Variants in PLD1 observed in about 807,000 individuals in gnomAD.
PLD1 encodes choline phosphatase 1.
In PLD1, 112 loss-of-function variants were observed where a neutral mutation model predicts 137.1. The observed-to-expected ratio is 0.82, with a 90% CI of 0.70 to 0.96. The LOEUF (loss-of-function observed/expected upper bound fraction) is 0.96, where lower values mean the gene tolerates loss of function less well. Ranked by LOEUF, PLD1 falls within the 40% of genes least tolerant of loss-of-function variation. The pLI is 0.00. For missense variants in PLD1, 1,321 were observed against 1,342.0 expected (o/e 0.98, Z 0.24); for synonymous variants, 431 against 454.7 (o/e 0.95, Z 0.66).
intron 21 of PLD1, among the ~76,000 whole-genome samples, chr3:171,651,571 T>A (rs565575949): frequency 5.1e-4 from 77 of 152,282 alleles, no homozygotes; most frequent in African/African-American, 1.8e-3. Context: ...ACTTTACCTA[T>A]CCTCTATGTG....
At chr3:171,688,970 C>A in intron 13 of PLD1, 94 bp from the exon 14 acceptor site, 3 of 848,276 alleles carry the variant, frequency 3.5e-6, no homozygotes, top group Non-Finnish European at 5.8e-6. Flanking sequence ...AAAGCATTTT[C>A]TATAATTCAA....
chr3:171,667,016 A>C (rs1488241273), intron 19 of PLD1, among the ~76,000 whole-genome samples: 1 of 152,158 alleles, frequency 6.6e-6, no homozygotes, highest in Non-Finnish European at 1.5e-5. Flanking sequence ...AAACCTTTGG[A>C]TCTTTCTTAG....
At chr3:171,791,585 T>C (rs1279641693) in intron 1 of PLD1, among the ~76,000 whole-genome samples, 1 of 151,890 alleles carries the variant, frequency 6.6e-6, no homozygotes, top group Non-Finnish European at 1.5e-5. Flanking sequence ...GTGATTAATA[T>C]GGAAAACACA....
At chr3:171,685,741 T>A (rs1219055817) in intron 16 of PLD1, among the ~76,000 whole-genome samples, 2 of 152,206 alleles carry the variant, frequency 1.3e-5, no homozygotes, top group East Asian at 3.8e-4. Context: ...TCCTCGAGTA[T>A]CTGGAGTATC....
At chr3:171,773,255 G>T (rs1284676786) in intron 1 of PLD1, among the ~76,000 whole-genome samples, 1 of 152,176 alleles carries the variant, frequency 6.6e-6, no homozygotes. Flanking sequence ...AATAATAAGA[G>T]TATAGCAGGA....
intron 7 of PLD1, among the ~76,000 whole-genome samples, chr3:171,725,289 A>C (rs1357654933): frequency 1.3e-5 from 2 of 152,346 alleles, no homozygotes; most frequent in Non-Finnish European, 2.9e-5. Context: ...ATGCCTGCAC[A>C]GGGATGGTCC....
chr3:171,627,344 A>G (rs555136263), intron 23 of PLD1, among the ~76,000 whole-genome samples: 60 of 152,284 alleles, frequency 3.9e-4, no homozygotes, highest in African/African-American at 1.3e-3. Context: ...ATACAGGAGC[A>G]CCCAGATTCA....
In PLD1 at chr3:171,760,906, C is replaced by T. The variant is rs563398595; in HGVS notation, c.-31-22824G>A. ...GCTGGTGGCATTGTTAATGGAGACA[C>T]CATTCTCAGGCAAACTTTAGTAGGA... On this transcript the variant is annotated intron_variant, in intron 1 of 26. Transcript: ENST00000351298. 3.7e-4 allele frequency among the ~76,000 whole-genome samples: 57 copies of T among 152,330 alleles called. 1 individual carries two copies. The highest frequency in any genetic ancestry group is 1.3e-3 in the African/African-American group (56 of 41,580).
At chr3:171,615,804 T>A (rs764366516) in intron 24 of PLD1, among the ~76,000 whole-genome samples, 1 of 152,252 alleles carries the variant, frequency 6.6e-6, no homozygotes, top group Non-Finnish European at 1.5e-5. Flanking sequence ...TTTGCTGTGA[T>A]GCACAATTCT....
At chr3:171,659,980 C>G (rs1737533566) in intron 20 of PLD1, among the ~76,000 whole-genome samples, 1 of 152,082 alleles carries the variant, frequency 6.6e-6, no homozygotes, top group Non-Finnish European at 1.5e-5. Context: ...AAACAAGTTA[C>G]AACATTATCA....
chr3:171,652,242 T>C (rs980141459), intron 21 of PLD1, among the ~76,000 whole-genome samples: 2 of 151,680 alleles, frequency 1.3e-5, no homozygotes, highest in Non-Finnish European at 2.9e-5. Context: ...TGAAACCCCG[T>C]CTCTACTAAA....
chr3:171,791,808 G>A (rs1166457846), intron 1 of PLD1: 1 of 151,976 alleles, frequency 6.6e-6, no homozygotes, highest in Non-Finnish European at 1.5e-5. Context: ...GGAGGGAGGT[G>A]AGGTTAACGT....
At chr3:171,656,567 T>C (rs1433124118) in intron 21 of PLD1, among the ~76,000 whole-genome samples, 2 of 152,256 alleles carry the variant, frequency 1.3e-5, no homozygotes, top group Admixed American at 6.5e-5. Context: ...AAACACATCT[T>C]TGGAACAGTA....
chr3:171,789,541 T>C (rs6767941), intron 1 of PLD1: 161 of 152,290 alleles, frequency 1.1e-3, no homozygotes, highest in African/African-American at 3.7e-3. Flanking sequence ...AATATCTGTA[T>C]ACAAAAGACA....
chr3:171,757,730 C>T (rs1002185614), intron 1 of PLD1, among the ~76,000 whole-genome samples: 8 of 152,108 alleles, frequency 5.3e-5, no homozygotes, highest in Non-Finnish European at 1.0e-4. Context: ...GATAAAGAAA[C>T]GAAACAAAAC....
chr3:171,736,522 G>A (rs1222003426), intron 3 of PLD1, among the ~76,000 whole-genome samples: 1 of 152,158 alleles, frequency 6.6e-6, no homozygotes, highest in Non-Finnish European at 1.5e-5. Flanking sequence ...GTATCAGGGA[G>A]ACATGGACCC....
chr3:171,752,144 A>C (rs891840488), intron 1 of PLD1, among the ~76,000 whole-genome samples: 2 of 152,248 alleles, frequency 1.3e-5, no homozygotes, highest in African/African-American at 4.8e-5. Context: ...AACATGAATA[A>C]ATGTCAATAC....
rs1349821544 is a variant in PLD1, at chr3:171,629,705, G to A, written c.2594-9185C>T. 4.6e-3 allele frequency among the ~76,000 whole-genome samples: 695 copies of A among 151,930 alleles called. 5 individuals carry two copies. Among genetic ancestry groups the A allele is most frequent in the African/African-American group, 0.016 (655 of 41,434 alleles). On this transcript the variant is annotated intron_variant, in intron 23 of 26. Transcript: ENST00000351298. ...ACAGAACAGAGCCCTCAGAAATAAC[G>A]CCGCATATCTACAACTATCTGATCT...
intron 1 of PLD1, among the ~76,000 whole-genome samples, chr3:171,784,477 A>G (rs1578469167): frequency 6.6e-6 from 1 of 152,150 alleles, no homozygotes; most frequent in African/African-American, 2.4e-5. Flanking sequence ...GTACCCAGGA[A>G]AAAAAGTCCA....
Sources: gnomAD v4.1 joint callset for allele counts (sites outside exome capture counted in the v4.1 genomes callset) on GRCh38, gnomAD v4.1.1 for gene constraint, MANE v1.5 for transcripts, NCBI Gene and HGNC (gene_info 2026-07-23, HGNC 2026-07-21) for gene names.